NEBL: variants seen among roughly 807,000 people sequenced by gnomAD.
The protein encoded by NEBL is LIM and SH3 protein 2.
In NEBL, 122 loss-of-function variants were observed where a neutral mutation model predicts 140.2. The observed-to-expected ratio is 0.87, with a 90% confidence interval of 0.75 to 1.01. The LOEUF is 1.01. Ranked by LOEUF, NEBL falls within the 50% of genes least tolerant of loss-of-function variation. NEBL has a pLI of 0.00. For missense variants in NEBL, 1,365 were observed against 1,231.3 expected (o/e 1.11, Z -1.62); for synonymous variants, 436 against 398.9 (o/e 1.09, Z -1.11).
intron 4 of NEBL, among the ~76,000 whole-genome samples, chr10:20,930,354 C>T (rs140282617): frequency 6.2e-4 from 95 of 152,256 alleles, no homozygotes; most frequent in African/African-American, 2.2e-3. Context: ...TTCTTTTCTC[C>T]ATTTCTATGG....
In NEBL at chr10:21,165,664, T is replaced by C. The variant is rs544545236; in HGVS notation, c.164+6719A>G. 5.9e-5 allele frequency among the ~76,000 whole-genome samples: 9 copies of C among 152,278 alleles called. No homozygotes were observed. The East Asian group carries it at 1.7e-3, about 29-fold the overall frequency. On this transcript the variant is annotated intron_variant, in intron 2 of 6. Transcript: ENST00000417816. ...TGCCAGGCTTGGGGGCATATGCAGA[T>C]ACATGGGACAGATCCCTTGGAGGAT...
intron 2 of NEBL, among the ~76,000 whole-genome samples, chr10:21,101,159 C>A (rs1486143752): frequency 6.6e-6 from 1 of 152,164 alleles, no homozygotes; most frequent in Admixed American, 6.5e-5. Context: ...GTGTCACTTC[C>A]TGAATTGAGG....
chr10:21,206,864 C>T (rs1841833857), intron 3 of NEBL, among the ~76,000 whole-genome samples: 1 of 151,358 alleles, frequency 6.6e-6, no homozygotes, highest in Admixed American at 6.6e-5. Context: ...GAATTCAGGA[C>T]CAGAAAAAAA....
chr10:21,047,083 G>A (rs1834554461), intron 2 of NEBL, among the ~76,000 whole-genome samples: 1 of 152,304 alleles, frequency 6.6e-6, no homozygotes, highest in Middle Eastern at 3.4e-3. Context: ...CTGCCATGCA[G>A]ACTTTCCAGA....
chr10:20,939,357 T>C (rs1368801647), intron 4 of NEBL, among the ~76,000 whole-genome samples: 1 of 152,070 alleles, frequency 6.6e-6, no homozygotes. Context: ...GAAGGAGAAA[T>C]AAAATACTTT....
rs201974015 is a variant in NEBL, at chr10:20,973,247, CT to C, written c.250-11469del. 0.024 allele frequency among the ~76,000 whole-genome samples: 3,387 copies of C among 139,118 alleles called. 352 individuals are homozygous for C. The East Asian group carries it at 0.36, about 15-fold the overall frequency. The allele number at this position is 139,118 out of a possible 152,430, so 91.3% of individuals were successfully genotyped here. On this transcript the variant is annotated intron_variant, in intron 3 of 6. Coordinates refer to the NEBL transcript ENST00000417816. ...TGTAAAAAAGATATTTTACCTTTTT[CT>C]TTTTTTTTTTTTTTAAGAGACAGAG...
chr10:20,924,657 T>C (rs558044340), intron 4 of NEBL, among the ~76,000 whole-genome samples: 7 of 152,020 alleles, frequency 4.6e-5, no homozygotes, highest in Admixed American at 4.6e-4. Flanking sequence ...AAGTTCTTTT[T>C]TTAAAAAAAA....
upstream of NEBL, chr10:20,897,509 AATTT>A (rs1847613171): frequency 2.7e-6 from 3 of 1,125,508 alleles, no homozygotes; most frequent in South Asian, 5.7e-5. Flanking sequence ...CAAAAGAAAA[AATTT>A]ATTTATCTTT....
At chr10:20,896,762 T>G (rs1329975137) in intron 2 of NEBL, among the ~76,000 whole-genome samples, 196 bp downstream of exon 2, 5 of 152,072 alleles carry the variant, frequency 3.3e-5, no homozygotes, top group African/African-American at 4.8e-5. Flanking sequence ...ATGAGGAGAC[T>G]TGCTCTAGCA....
intron 2 of NEBL, among the ~76,000 whole-genome samples, chr10:21,069,414 C>G (rs1490120547): frequency 6.6e-6 from 1 of 152,212 alleles, no homozygotes; most frequent in African/African-American, 2.4e-5. Context: ...GAAATTTCCC[C>G]TCTAAGTGAA....
chr10:21,018,182 T>C (rs755490374), intron 3 of NEBL, among the ~76,000 whole-genome samples: 2 of 152,184 alleles, frequency 1.3e-5, no homozygotes, highest in Non-Finnish European at 2.9e-5. Flanking sequence ...AGGTGTGTGT[T>C]AGTCCTCTTT....
chr10:20,936,483 T>G (rs1834492878), intron 4 of NEBL, among the ~76,000 whole-genome samples: 1 of 152,224 alleles, frequency 6.6e-6, no homozygotes, highest in African/African-American at 2.4e-5. Context: ...TGCTTGTCAC[T>G]CTGGCCCATG....
At chr10:21,257,661 G>A (rs1189398957) in intron 1 of NEBL, among the ~76,000 whole-genome samples, 6 of 152,100 alleles carry the variant, frequency 3.9e-5, no homozygotes, top group East Asian at 1.9e-4. Context: ...CGAGGCGGGC[G>A]GATCACAAGG....
intron 2 of NEBL, among the ~76,000 whole-genome samples, chr10:21,142,313 C>T (rs1839667670): frequency 6.6e-6 from 1 of 152,138 alleles, no homozygotes; most frequent in Non-Finnish European, 1.5e-5. Flanking sequence ...CAGCCTGAGC[C>T]ACCTATGTAC....
upstream of NEBL, chr10:20,899,453 G>A: frequency 1.5e-6 from 2 of 1,292,606 alleles, no homozygotes; most frequent in South Asian, 1.3e-5. Flanking sequence ...TCACTGTGCT[G>A]CAAGAAAATA....
intron 4 of NEBL, among the ~76,000 whole-genome samples, chr10:20,957,113 A>G (rs980359556): frequency 4.6e-5 from 7 of 152,156 alleles, no homozygotes; most frequent in Non-Finnish European, 1.0e-4. Flanking sequence ...CTTGCACTCA[A>G]CCGAACTTTG....
At chr10:21,111,522 A>C (rs1455220362) in intron 2 of NEBL, among the ~76,000 whole-genome samples, 1 of 151,820 alleles carries the variant, frequency 6.6e-6, no homozygotes, top group Non-Finnish European at 1.5e-5. Context: ...TGCTGCTGGG[A>C]AAACTGGCTA....
intron 3 of NEBL, among the ~76,000 whole-genome samples, chr10:21,001,258 C>T (rs1400376260): frequency 6.6e-6 from 1 of 152,094 alleles, no homozygotes; most frequent in African/African-American, 2.4e-5. Flanking sequence ...AAAACAGGTA[C>T]CTAGTGCTAG....
chr10:20,900,618 G>A (rs1847822156), upstream of NEBL, among the ~76,000 whole-genome samples: 1 of 149,746 alleles, frequency 6.7e-6, no homozygotes, highest in Non-Finnish European at 1.5e-5. Context: ...GAGCTCAGGA[G>A]TTCGAGACCA....
Sources: gnomAD v4.1 joint callset for allele counts (sites outside exome capture counted in the v4.1 genomes callset) on GRCh38, gnomAD v4.1.1 for gene constraint, MANE v1.5 for transcripts, NCBI Gene and HGNC (gene_info 2026-07-23, HGNC 2026-07-21) for gene names.